UVSSA: variants seen among roughly 807,000 people sequenced by gnomAD.
UVSSA encodes the protein UV stimulated scaffold protein A, also known as UV-stimulated scaffold protein A.
UVSSA carries 72 observed loss-of-function variants against 73.9 expected under a neutral mutation model. The ratio of observed to expected loss-of-function variants is 0.97; its 90% CI spans 0.81 to 1.19. The LOEUF is 1.19. UVSSA is among the 50% of genes most tolerant of loss of function. The pLI is 0.00. For missense variants in UVSSA, 1,150 were observed against 965.0 expected, an observed-to-expected ratio of 1.19 and a Z score of -2.54; for synonymous variants, 454 against 391.3, an observed-to-expected ratio of 1.16 and a Z score of -1.89.
At chr4:1,383,640 A>T in intron 12 of UVSSA, 126 bp from the exon 13 acceptor site, 2 of 1,040,090 alleles carry the variant, frequency 1.9e-6, no homozygotes, top group Non-Finnish European at 2.9e-6. Flanking sequence ...CTGCCAGGGT[A>T]CGGCCGTGGG....
chr4:1,357,750 G>A (rs1384751619), intron 7 of UVSSA, among the ~76,000 whole-genome samples: 13 of 152,214 alleles, frequency 8.5e-5, no homozygotes, highest in Non-Finnish European at 1.9e-4. Context: ...AGGAGTGCTG[G>A]CCTCCCAGAC....
chr4:1,376,776 G>T (rs554390516), intron 10 of UVSSA, among the ~76,000 whole-genome samples: 1 of 152,212 alleles, frequency 6.6e-6, no homozygotes, highest in African/African-American at 2.4e-5. Flanking sequence ...TCGCTGGCAC[G>T]GCCTATCGGG....
rs568261598 is a variant in UVSSA, at chr4:1,378,572, C to A, written c.1569-1475C>A. Among the ~76,000 whole-genome samples, 70 of 152,210 alleles carry A rather than the reference C, an allele frequency of 4.6e-4. 1 individual carries two copies. Among genetic ancestry groups the A allele is most frequent in the African/African-American group, 1.4e-3 (58 of 41,518 alleles). ...TCTGAAAAAAAAATAGCCAGTGGTC[C>A]TCGGCCGAGGGGAGTAGAGGGAAGC... is the stretch of plus-strand genomic sequence containing the variant. On this transcript the variant is annotated intron_variant, in intron 10 of 13. Coordinates refer to ENST00000389851, the MANE Select transcript of UVSSA (RefSeq NM_020894.4).
chr4:1,373,324 G>A (rs761963318), intron 8 of UVSSA, among the ~76,000 whole-genome samples: 8 of 152,254 alleles, frequency 5.3e-5, no homozygotes, highest in South Asian at 2.1e-4. Flanking sequence ...CATCCAGCAC[G>A]GGAGAATAGA....
At chr4:1,363,487 T>A (rs553492512) in intron 7 of UVSSA, among the ~76,000 whole-genome samples, 135 of 152,338 alleles carry the variant, frequency 8.9e-4, no homozygotes, top group African/African-American at 3.2e-3. Context: ...ACGACGCCCA[T>A]ATTTAAAATC....
intron 7 of UVSSA, chr4:1,359,310 T>C (rs1022257239): frequency 1.3e-5 from 2 of 152,168 alleles, no homozygotes; most frequent in Admixed American, 1.3e-4. Flanking sequence ...CCTGGATCAA[T>C]GTGCAGCGTC....
intron 8 of UVSSA, among the ~76,000 whole-genome samples, chr4:1,368,551 G>C (rs1255661624): frequency 3.3e-5 from 5 of 152,238 alleles, no homozygotes; most frequent in Admixed American, 3.3e-4. Flanking sequence ...GGGGTCCTGA[G>C]CCCATCGACA....
At chr4:1,346,355 G>C (rs936888065), upstream of UVSSA, among the ~76,000 whole-genome samples, 1 of 152,138 alleles carries the variant, frequency 6.6e-6, no homozygotes, top group Admixed American at 6.5e-5. Flanking sequence ...TGCGTGGCCT[G>C]TGCCGGGCGC....
At chr4:1,348,351 G>T (rs1025523484) in intron 2 of UVSSA, among the ~76,000 whole-genome samples, 162 bp downstream of exon 2, 1 of 152,232 alleles carries the variant, frequency 6.6e-6, no homozygotes, top group Non-Finnish European at 1.5e-5. Flanking sequence ...GGGTGGTCAT[G>T]TTCTGGGGTC....
At chr4:1,365,433 G>A (rs187404023) in intron 7 of UVSSA, among the ~76,000 whole-genome samples, 143 of 152,326 alleles carry the variant, frequency 9.4e-4, no homozygotes, top group Non-Finnish European at 1.5e-3. Context: ...CCACTAAGTC[G>A]GGCGCAGGAA....
chr4:1,394,902 GC>G (rs762741316), exon 14 of UVSSA: 1 of 1,482,868 alleles, frequency 6.7e-7, no homozygotes, highest in Non-Finnish European at 8.9e-7. Flanking sequence ...GCTCACACGT[GC>G]CCATGCGGAG....
intron 7 of UVSSA, among the ~76,000 whole-genome samples, chr4:1,365,305 T>C (rs1717164474): frequency 6.6e-6 from 1 of 152,206 alleles, no homozygotes; most frequent in Non-Finnish European, 1.5e-5. Context: ...CTGCCTGGGC[T>C]GGTCTTATGG....
chr4:1,380,556 C>T, intron 11 of UVSSA: 1 of 1,210,214 alleles, frequency 8.3e-7, no homozygotes, highest in Non-Finnish European at 1.1e-6. Context: ...TGAGGAGAGG[C>T]CAGGGGGCCA....
intron 5 of UVSSA, 79 bp from the exon 6 acceptor site, chr4:1,354,656 C>G: frequency 7.4e-7 from 1 of 1,353,494 alleles, no homozygotes; most frequent in Non-Finnish European, 1.0e-6. Context: ...AGCAGCCTTC[C>G]TTGCATGGTC....
chr4:1,375,251 G>C, intron 8 of UVSSA, 113 bp from the exon 9 acceptor site: 1 of 1,522,906 alleles, frequency 6.6e-7, no homozygotes, highest in Non-Finnish European at 8.9e-7. Flanking sequence ...CCTCGGGACT[G>C]TTGGAAGATG....
chr4:1,345,567 C>T (rs1242165568), upstream of UVSSA, among the ~76,000 whole-genome samples: 3 of 144,816 alleles, frequency 2.1e-5, no homozygotes, highest in Non-Finnish European at 4.5e-5. Flanking sequence ...ATCGTTTGAA[C>T]CCGGGAGGCG....
intron 8 of UVSSA, among the ~76,000 whole-genome samples, chr4:1,371,654 A>G (rs929985660): frequency 6.6e-6 from 1 of 152,222 alleles, no homozygotes; most frequent in Non-Finnish European, 1.5e-5. Context: ...GGATGGCAGC[A>G]GGCAGGGAGA....
At chr4:1,349,237 G>A (rs1714276480) in intron 2 of UVSSA, among the ~76,000 whole-genome samples, 1 of 152,206 alleles carries the variant, frequency 6.6e-6, no homozygotes, top group Non-Finnish European at 1.5e-5. Flanking sequence ...CTTTGTGAAT[G>A]AACACCGACA....
Position 1,357,098 on chromosome 4 carries a change from G to A in UVSSA, c.1176+1853G>A, listed in dbSNP as rs1029135954. 3.3e-5 allele frequency: 5 copies of A among 150,832 alleles called. No homozygotes were observed. The East Asian group carries it at 1.0e-3, about 30-fold the overall frequency. 9.3% of individuals were successfully genotyped at this position (150,832 alleles called of 1,614,324 possible). ...TGGTGAGGGTCCATAGAGCAGAGCG[G>A]GGCTGATGGGTGGCATGGTCTGGTC... On this transcript the variant is annotated intron_variant, in intron 7 of 13. Coordinates refer to ENST00000389851, the MANE Select transcript of UVSSA (RefSeq NM_020894.4).
Sources: gnomAD v4.1 joint callset for allele counts (sites outside exome capture counted in the v4.1 genomes callset) on GRCh38, gnomAD v4.1.1 for gene constraint, MANE v1.5 for transcripts, NCBI Gene and HGNC (gene_info 2026-07-23, HGNC 2026-07-21) for gene names.